The following USP34 variants were observed in gnomAD, a reference collection of about 807,000 sequenced individuals.
USP34 encodes ubiquitin specific peptidase 34, also known as ubiquitin carboxyl-terminal hydrolase 34.
In USP34, 70 loss-of-function variants were observed where a neutral mutation model predicts 460.3. That is an observed-to-expected ratio of 0.15 (90% CI 0.13 to 0.19). The LOEUF is 0.19. USP34 is among the 10% of genes least tolerant of loss of function. The probability of loss-of-function intolerance (pLI) is 1.00; values close to 1 mark genes in which losing one functional copy is unlikely to be tolerated. For synonymous variants in USP34, 1,647 were observed against 1,405.3 expected (o/e 1.17, Z -3.85); for missense variants, 3,985 against 4,236.2 (o/e 0.94, Z 1.65).
intron 67 of USP34, among the ~76,000 whole-genome samples, chr2:61,219,581 G>C (rs927766673): frequency 6.6e-6 from 1 of 150,930 alleles, no homozygotes; most frequent in Non-Finnish European, 1.5e-5. Flanking sequence ...TGAGGTGAAA[G>C]AATCAGTTGA....
intron 3 of USP34, among the ~76,000 whole-genome samples, chr2:61,400,334 C>T (rs1032532453): frequency 1.3e-5 from 2 of 152,108 alleles, no homozygotes; most frequent in African/African-American, 4.8e-5. Context: ...TGGTCTTGAT[C>T]TCCTGACCTT....
rs1687804771 is a variant in USP34, at chr2:61,228,876, G to A, written c.7319C>T (p.Thr2440Ile). The A allele has an allele frequency of 1.2e-6, 2 of 1,608,328 alleles. No individual in the cohort carries two copies. The highest frequency in any genetic ancestry group is 1.3e-5 in the African/African-American group (1 of 74,692). The change falls in exon 60 of 80, where the codon ACA (threonine) becomes ATA (isoleucine). Residue 2440 changes from threonine (T) to isoleucine (I), a missense_variant. Transcript: ENST00000398571. ...TTCGTAAAGGAAGGCAAAATACTCTGTAAGATGTTTACTGTGAGGTTTTAC... is the reference window on the plus strand; with the variant it reads ...TTCGTAAAGGAAGGCAAAATACTCTATAAGATGTTTACTGTGAGGTTTTAC... ...HGVKPHSKHL[T>I]EYFAFLYEFA... is the part of the protein sequence containing the mutation.
intron 49 of USP34, among the ~76,000 whole-genome samples, chr2:61,247,219 C>T (rs1023184658): frequency 1.3e-5 from 2 of 152,110 alleles, no homozygotes; most frequent in Admixed American, 1.3e-4. Context: ...ATTCCCACTA[C>T]CACACAGAAA....
chr2:61,396,411 G>T (rs749904969), intron 3 of USP34, among the ~76,000 whole-genome samples: 13 of 151,970 alleles, frequency 8.6e-5, no homozygotes, highest in Admixed American at 6.6e-5. Flanking sequence ...TACGCATAAC[G>T]ATGCTCATTA....
rs767154632 is a variant in USP34 at position 61,395,007 on chromosome 2, G to A, written c.604-5C>T. 2 of 1,569,194 alleles carry A rather than the reference G, an allele frequency of 1.3e-6. No individual in the cohort carries two copies. Among genetic ancestry groups the A allele is most frequent in the Non-Finnish European group, 8.6e-7 (1 of 1,165,546 alleles). On this transcript the variant is annotated splice_polypyrimidine_tract_variant and splice_region_variant and intron_variant, in intron 4 of 79. Transcript: ENST00000398571. Reference sequence around the variant, plus strand: ...ATGCAATGGTACTTCTACATCCTGGGAAAATAAAGAAAACATGTCATTATT... The same window carrying A: ...ATGCAATGGTACTTCTACATCCTGGAAAAATAAAGAAAACATGTCATTATT...
At chr2:61,438,093 C>A (rs1694866214) in intron 1 of USP34, among the ~76,000 whole-genome samples, 1 of 151,874 alleles carries the variant, frequency 6.6e-6, no homozygotes, top group African/African-American at 2.4e-5. Flanking sequence ...AACATAGACA[C>A]AAAAATTCTG....
chr2:61,226,826 A>C, intron 62 of USP34: 1 of 408,656 alleles, frequency 2.4e-6, no homozygotes, highest in African/African-American at 2.1e-5. Context: ...TTCAATGACT[A>C]TTTCTAACAC....
intron 1 of USP34, among the ~76,000 whole-genome samples, chr2:61,431,653 G>C (rs978204472): frequency 7.9e-5 from 12 of 152,110 alleles, no homozygotes; most frequent in African/African-American, 2.4e-4. Context: ...TTAGGAGTTC[G>C]AGACCAGCCT....
chr2:61,366,794 C>T (rs1351323224), intron 10 of USP34, among the ~76,000 whole-genome samples: 1 of 152,066 alleles, frequency 6.6e-6, no homozygotes, highest in African/African-American at 2.4e-5. Context: ...ACAGCTATAA[C>T]CCCTGCACTT....
chr2:61,454,854 G>C (rs1219261720), intron 1 of USP34, among the ~76,000 whole-genome samples: 1 of 135,250 alleles, frequency 7.4e-6, no homozygotes, highest in Non-Finnish European at 1.6e-5. Context: ...AGCAAATATA[G>C]TGGGGTTTTT....
In USP34 at chr2:61,241,722, A is replaced by G. The variant is rs780035360; in HGVS notation, c.6681+44T>C. The G allele has an allele frequency of 2.0e-6, 3 of 1,504,346 alleles. No individual in the cohort carries two copies. In the East Asian group the frequency reaches 6.9e-5, roughly 34 times the overall value. The allele number at this position is 1,504,346 out of a possible 1,614,324, so 93.2% of individuals were successfully genotyped here. A position where few individuals can be genotyped will look rare whatever the true frequency, so the allele number is the denominator to read the frequency against. On this transcript the variant is annotated intron_variant, in intron 52 of 79. Coordinates refer to ENST00000398571, the MANE Select transcript of USP34 (RefSeq NM_014709.4). ...GTATTACTCTAAAAGTAGACAATGC[A>G]GAAGAAAAAACAATATAAAATTATA...
intron 1 of USP34, among the ~76,000 whole-genome samples, chr2:61,467,942 A>C (rs2104125307): frequency 6.6e-6 from 1 of 152,036 alleles, no homozygotes; most frequent in Middle Eastern, 3.4e-3. Context: ...CTGAATTTCT[A>C]AATCAACGTT....
chr2:61,268,238 T>C (rs1343390234), intron 41 of USP34, among the ~76,000 whole-genome samples: 1 of 151,870 alleles, frequency 6.6e-6, no homozygotes, highest in African/African-American at 2.4e-5. Flanking sequence ...TAATAAAATA[T>C]TGTAAACTGG....
chr2:61,357,262 A>C (rs1692135663), intron 10 of USP34, among the ~76,000 whole-genome samples: 1 of 152,212 alleles, frequency 6.6e-6, no homozygotes, highest in African/African-American at 2.4e-5. Context: ...AGCAGGAAGA[A>C]GCTGAAAATC....
At chr2:61,450,111 G>T (rs1410049958) in intron 1 of USP34, among the ~76,000 whole-genome samples, 2 of 151,822 alleles carry the variant, frequency 1.3e-5, no homozygotes, top group Non-Finnish European at 2.9e-5. Flanking sequence ...AAAAAAAAAG[G>T]ACTGAAGTAC....
intron 44 of USP34, among the ~76,000 whole-genome samples, chr2:61,259,038 T>TC (rs1349778655): frequency 1.3e-5 from 2 of 152,112 alleles, no homozygotes; most frequent in Non-Finnish European, 2.9e-5. Context: ...GGCAGGCAGA[T>TC]CACTTGAGAT....
In USP34 at chr2:61,227,152, G is replaced by C. The variant is rs1438925536; in HGVS notation, c.7510C>G (p.Leu2504Val). The stretch of plus-strand genomic sequence containing the variant: ...GCTGGCCTGTATTTTTCTTCTGCCA[G>C]AGAGAGGATATCTTCTTCCTCCTCT... ...EEEEEEDILSLAEEKYRPAAL... is the reference protein window; with the variant it reads ...EEEEEEDILSVAEEKYRPAAL... The change falls in exon 62 of 80, where the codon CTG becomes GTG. Residue 2504 changes from leucine (L) to valine (V), a missense_variant. Leu to Val is a conservative substitution (Grantham distance 32). Coordinates refer to ENST00000398571, the MANE Select transcript of USP34 (RefSeq NM_014709.4). 6.2e-7 allele frequency: 1 copy of C among 1,613,960 alleles called. No homozygotes were observed. The highest frequency in any genetic ancestry group is 8.5e-7 in the Non-Finnish European group (1 of 1,179,946).
At chr2:61,328,605 A>C (rs757830565) in intron 20 of USP34, among the ~76,000 whole-genome samples, 4 of 152,214 alleles carry the variant, frequency 2.6e-5, no homozygotes, top group Admixed American at 6.5e-5. Flanking sequence ...GCAGCCAACA[A>C]GGCAGATTGA....
rs555635157 is a variant in USP34, at chr2:61,228,950, T to C, written c.7245A>G (p.Ser2415=). The C allele has an allele frequency of 6.8e-6, 11 of 1,608,550 alleles. No homozygotes were observed. Among genetic ancestry groups the C allele is most frequent in the East Asian group, 2.2e-5 (1 of 44,824 alleles). The change falls in exon 60 of 80, where the codon TCA becomes TCG. Residue 2415 remains serine, a synonymous_variant. Coordinates refer to ENST00000398571, the MANE Select transcript of USP34 (RefSeq NM_014709.4). ...GGGTTCTCACAAAGCGAGTGACACA[T>C]GAACGACCACCAATATCTTCTACTG... ...DTSVEDIGGR[S]CVTRFVRTLL...
Sources: allele counts gnomAD v4.1 joint callset (sites outside exome capture counted in the v4.1 genomes callset), GRCh38; gene constraint gnomAD v4.1.1; transcripts MANE v1.5; gene names NCBI Gene and HGNC (gene_info 2026-07-23, HGNC 2026-07-21).